Variants in DIPK1A observed in about 807,000 individuals in gnomAD.
The protein encoded by DIPK1A is family with sequence similarity 69 member A.
Under a neutral mutation model 40.8 loss-of-function variants are expected in DIPK1A, and 27 were observed. The observed-to-expected ratio is 0.66, with a 90% confidence interval of 0.49 to 0.91. The LOEUF (loss-of-function observed/expected upper bound fraction) is 0.91. DIPK1A is among the 40% of genes least tolerant of loss of function. The pLI is 0.00. For missense variants in DIPK1A, 412 were observed against 505.7 expected (o/e 0.81, Z 1.78); for synonymous variants, 166 against 171.3 (o/e 0.97, Z 0.24).
intron 1 of DIPK1A, among the ~76,000 whole-genome samples, chr1:92,937,189 G>A (rs535722851): frequency 2.5e-4 from 38 of 152,254 alleles, no homozygotes; most frequent in Non-Finnish European, 4.7e-4. Context: ...GGCTGGGCAT[G>A]GTGGCTCATA....
chr1:92,867,138 CTAAA>C (rs1019391027), intron 2 of DIPK1A, among the ~76,000 whole-genome samples: 1 of 152,008 alleles, frequency 6.6e-6, no homozygotes, highest in Non-Finnish European at 1.5e-5. Flanking sequence ...TTTACAAAGC[CTAAA>C]TAATTTGCCC....
intron 1 of DIPK1A, among the ~76,000 whole-genome samples, chr1:92,890,634 T>C (rs557913192): frequency 3.4e-4 from 52 of 152,378 alleles, no homozygotes; most frequent in Non-Finnish European, 5.9e-4. Flanking sequence ...TTTGTGTACG[T>C]TGACCTATCT....
intron 1 of DIPK1A, among the ~76,000 whole-genome samples, chr1:92,951,239 T>C (rs1483987220): frequency 6.6e-6 from 1 of 152,118 alleles, no homozygotes; most frequent in Non-Finnish European, 1.5e-5. Context: ...AACAAAGGAC[T>C]CCACCCATAG....
intron 1 of DIPK1A, among the ~76,000 whole-genome samples, chr1:92,904,359 T>C (rs1649525513): frequency 6.6e-6 from 1 of 152,184 alleles, no homozygotes; most frequent in African/African-American, 2.4e-5. Flanking sequence ...TGAAAAATAA[T>C]TACCCAAAGA....
chr1:92,833,505 G>A, intron 4 of DIPK1A: 1 of 1,605,798 alleles, frequency 6.2e-7, no homozygotes, highest in Non-Finnish European at 8.5e-7. Context: ...CTTTGCAGAT[G>A]CAGTGGAGTA....
intron 1 of DIPK1A, among the ~76,000 whole-genome samples, chr1:92,890,709 C>T (rs1648830304): frequency 6.6e-6 from 1 of 152,118 alleles, no homozygotes; most frequent in Non-Finnish European, 1.5e-5. Flanking sequence ...CGGCTGGATT[C>T]AGTCTGTTAC....
At chr1:92,846,844 T>TATATATACACACACAC (rs1557449950) in intron 4 of DIPK1A, among the ~76,000 whole-genome samples, 1 of 1,156 alleles carries the variant, frequency 8.7e-4, no homozygotes, top group African/African-American at 0.01. Context: ...TATATATATG[T>TATATATACACACACAC]GTGTATATAT....
At position 92,843,910 on chromosome 1, in the gene DIPK1A, T is replaced by C. The variant is rs1002239939; in HGVS notation, c.760A>G (p.Arg254Gly). ...VIELFIPSGFRRSMDQLFTPS... is the reference protein window; with the variant it reads ...VIELFIPSGFGRSMDQLFTPS... ...GTGAACAGCTGATCCATGCTTCTTC[T>C]GAACCCAGATGGAATAAAAAGTTCA... Residue 254 changes from arginine (R) to glycine (G), a missense_variant, in exon 5 of 5, where the codon AGA (arginine) becomes GGA (glycine). Coordinates refer to ENST00000370310, the MANE Select transcript of DIPK1A (RefSeq NM_001006605.5). The C allele has an allele frequency of 1.3e-6, 2 of 1,551,680 alleles. No homozygotes were observed. Among genetic ancestry groups the C allele is most frequent in the African/African-American group, 2.7e-5 (2 of 73,044 alleles).
At chr1:92,959,673 G>A (rs1420598614) in intron 1 of DIPK1A, among the ~76,000 whole-genome samples, 5 of 150,952 alleles carry the variant, frequency 3.3e-5, no homozygotes, top group Non-Finnish European at 5.9e-5. Context: ...GGATGGTCTC[G>A]ATCTCCTGAC....
intron 4 of DIPK1A, 83 bp downstream of exon 4, chr1:92,847,100 C>G: frequency 1.2e-6 from 1 of 866,352 alleles, no homozygotes; most frequent in Non-Finnish European, 1.6e-6. Flanking sequence ...AATATCAACA[C>G]TTTAATGGCT....
At chr1:92,887,793 C>T (rs1038343713) in intron 1 of DIPK1A, among the ~76,000 whole-genome samples, 2 of 152,122 alleles carry the variant, frequency 1.3e-5, no homozygotes, top group African/African-American at 4.8e-5. Flanking sequence ...GATGGGAAAA[C>T]TGAGAACATA....
intron 2 of DIPK1A, among the ~76,000 whole-genome samples, chr1:92,874,640 A>G (rs1648030378): frequency 6.6e-6 from 1 of 152,202 alleles, no homozygotes; most frequent in African/African-American, 2.4e-5. Context: ...ATGTTTTTGA[A>G]CTTGATTATC....
In DIPK1A at chr1:92,866,451, A is replaced by G. The variant is rs1040164408; in HGVS notation, c.189+9845T>C. On this transcript the variant is annotated intron_variant, in intron 2 of 4. Transcript: ENST00000370310. ...CTCCTCTATGAAGCCTTTCCCCACT[A>G]TTCTATCTAAAATAATCTCCCTATT... is the stretch of plus-strand genomic sequence containing the variant. 7.2e-5 allele frequency among the ~76,000 whole-genome samples: 11 copies of G among 152,168 alleles called. No homozygotes were observed. The East Asian group carries it at 1.9e-3, about 27-fold the overall frequency.
chr1:92,852,698 C>A (rs917173080), intron 2 of DIPK1A, among the ~76,000 whole-genome samples: 5 of 151,812 alleles, frequency 3.3e-5, no homozygotes, highest in Non-Finnish European at 7.4e-5. Context: ...AAATAAAAGC[C>A]ACATTATAAA....
At chr1:92,852,335 C>T (rs1399893290) in intron 2 of DIPK1A, among the ~76,000 whole-genome samples, 1 of 152,044 alleles carries the variant, frequency 6.6e-6, no homozygotes, top group Non-Finnish European at 1.5e-5. Context: ...CCCGCCTCTA[C>T]TAAAAATACA....
chr1:92,919,516 C>T (rs1344682895), intron 1 of DIPK1A, among the ~76,000 whole-genome samples: 2 of 152,176 alleles, frequency 1.3e-5, no homozygotes, highest in Non-Finnish European at 2.9e-5. Flanking sequence ...CTTGATAACT[C>T]ACTCAGAAGT....
intron 1 of DIPK1A, among the ~76,000 whole-genome samples, chr1:92,895,102 TGAAACTATTCCAATCAATAGAAAAAGA>T (rs1202857682): frequency 2.6e-5 from 4 of 152,070 alleles, no homozygotes; most frequent in African/African-American, 9.7e-5. Context: ...CCATTCCTTC[TGAAACTATTCCAATCAATAGAAAAAGA>T]GGGAATCCTC....
intron 1 of DIPK1A, among the ~76,000 whole-genome samples, chr1:92,915,036 C>T (rs1251397939): frequency 2.2e-5 from 3 of 134,410 alleles, no homozygotes; most frequent in African/African-American, 3.3e-5. Flanking sequence ...TGCAGTAAGC[C>T]GAGATGGCAC....
At chr1:92,853,456 C>T (rs1209157302) in intron 2 of DIPK1A, among the ~76,000 whole-genome samples, 1 of 152,086 alleles carries the variant, frequency 6.6e-6, no homozygotes, top group Non-Finnish European at 1.5e-5. Context: ...ATCAGATTGG[C>T]CCCAGATTTC....
Sources: gnomAD v4.1 joint callset for allele counts (sites outside exome capture counted in the v4.1 genomes callset) on GRCh38, gnomAD v4.1.1 for gene constraint, MANE v1.5 for transcripts, NCBI Gene and HGNC (gene_info 2026-07-23, HGNC 2026-07-21) for gene names.